STXBP5L: variants seen among roughly 807,000 people sequenced by gnomAD.
STXBP5L encodes the protein syntaxin-binding protein 5-like.
In STXBP5L, 65 loss-of-function variants were observed where a neutral mutation model predicts 144.5. The ratio of observed to expected loss-of-function variants is 0.45; its 90% CI spans 0.37 to 0.55. STXBP5L has a LOEUF of 0.55. Among genes scored for constraint, STXBP5L ranks in the 20% least tolerant of loss-of-function variants. STXBP5L has a pLI of 0.00. For synonymous variants in STXBP5L, 505 were observed against 469.6 expected, an observed-to-expected ratio of 1.08 and a Z score of -0.97; for missense variants, 1,298 against 1,405.5, an observed-to-expected ratio of 0.92 and a Z score of 1.22.
chr3:121,355,474 A>C (rs1576270217), intron 20 of STXBP5L, among the ~76,000 whole-genome samples: 1 of 152,120 alleles, frequency 6.6e-6, no homozygotes, highest in African/African-American at 2.4e-5. Context: ...CACTTGATCG[A>C]ATCAGCTATT....
chr3:121,314,554 A>G (rs1399634250), intron 19 of STXBP5L, among the ~76,000 whole-genome samples: 1 of 144,710 alleles, frequency 6.9e-6, no homozygotes, highest in African/African-American at 2.6e-5. Context: ...AGTACCGTCC[A>G]GCTTTGGCTC....
At chr3:121,379,281 G>A (rs2046270419) in intron 21 of STXBP5L, among the ~76,000 whole-genome samples, 1 of 152,008 alleles carries the variant, frequency 6.6e-6, no homozygotes, top group Non-Finnish European at 1.5e-5. Context: ...ATGTGACCAA[G>A]AACAAAGGCA....
At chr3:121,189,955 G>T (rs898517755) in intron 9 of STXBP5L, among the ~76,000 whole-genome samples, 3 of 151,978 alleles carry the variant, frequency 2.0e-5, no homozygotes, top group African/African-American at 4.8e-5. Flanking sequence ...GCACTTATAA[G>T]TGTAATCGAT....
At chr3:121,186,185 A>G (rs1196855792) in intron 9 of STXBP5L, among the ~76,000 whole-genome samples, 3 of 152,196 alleles carry the variant, frequency 2.0e-5, no homozygotes, top group Non-Finnish European at 4.4e-5. Context: ...TATCAGCTTA[A>G]GGAGGTTGTG....
At chr3:121,090,857 C>T (rs920222464) in intron 5 of STXBP5L, among the ~76,000 whole-genome samples, 7 of 152,030 alleles carry the variant, frequency 4.6e-5, no homozygotes, top group African/African-American at 1.7e-4. Context: ...ATACATGTGA[C>T]ATGCTGGTGT....
chr3:121,204,113 C>T (rs1577201931), intron 9 of STXBP5L, among the ~76,000 whole-genome samples: 1 of 152,232 alleles, frequency 6.6e-6, no homozygotes, highest in East Asian at 1.9e-4. Context: ...GTGGCACACA[C>T]CTGTAGTTCC....
At chr3:121,205,357 T>G (rs1191296) in intron 9 of STXBP5L, among the ~76,000 whole-genome samples, 119,750 of 152,074 alleles carry the variant, frequency 0.79, 47,374 homozygotes, top group East Asian at 0.93. Flanking sequence ...AGGGGGCTGA[T>G]CTAATCCTTT....
At chr3:121,079,582 A>C (rs924011957) in intron 5 of STXBP5L, among the ~76,000 whole-genome samples, 6 of 152,220 alleles carry the variant, frequency 3.9e-5, no homozygotes, top group African/African-American at 1.2e-4. Flanking sequence ...CCTTCTTCAA[A>C]CCCAAAAATA....
chr3:120,938,134 A>G (rs766803933), intron 2 of STXBP5L, among the ~76,000 whole-genome samples: 3 of 152,062 alleles, frequency 2.0e-5, no homozygotes, highest in Non-Finnish European at 4.4e-5. Flanking sequence ...CACAGTATTT[A>G]TATGTGATGT....
At chr3:121,217,100 G>A (rs1577235940) in intron 10 of STXBP5L, among the ~76,000 whole-genome samples, 1 of 152,274 alleles carries the variant, frequency 6.6e-6, no homozygotes, top group South Asian at 2.1e-4. Flanking sequence ...CAAACCAGTG[G>A]ATCTTAGCTT....
chr3:121,090,915 C>G, intron 5 of STXBP5L, among the ~76,000 whole-genome samples: 1 of 140,424 alleles, frequency 7.1e-6, no homozygotes, highest in East Asian at 2.1e-4. Context: ...TCTCCCAGTG[C>G]TATCCCTCCC....
At chr3:120,961,961 C>A (rs568277441) in intron 3 of STXBP5L, among the ~76,000 whole-genome samples, 2 of 152,320 alleles carry the variant, frequency 1.3e-5, no homozygotes, top group African/African-American at 2.4e-5. Flanking sequence ...TTAATGATTG[C>A]CATTCCAACT....
At chr3:121,323,858 T>G (rs1442179961) in intron 20 of STXBP5L, among the ~76,000 whole-genome samples, 1 of 152,108 alleles carries the variant, frequency 6.6e-6, no homozygotes, top group Non-Finnish European at 1.5e-5. Context: ...GACTACAACC[T>G]CTTAAAGAGA....
intron 3 of STXBP5L, among the ~76,000 whole-genome samples, chr3:121,018,689 C>T (rs770568081): frequency 2.6e-5 from 4 of 151,950 alleles, no homozygotes; most frequent in Admixed American, 6.6e-5. Context: ...TTTTTAGGTA[C>T]AATAGTAAGA....
chr3:121,254,871 T>A (rs183384928), intron 15 of STXBP5L, 24 bp from the exon 16 acceptor site: 85 of 1,548,232 alleles, frequency 5.5e-5, no homozygotes, highest in Non-Finnish European at 7.3e-5. Flanking sequence ...AATTAGAAGA[T>A]AACTGTGCTT....
At chr3:121,006,658 C>T (rs1274946878) in intron 3 of STXBP5L, among the ~76,000 whole-genome samples, 1 of 152,146 alleles carries the variant, frequency 6.6e-6, no homozygotes, top group Non-Finnish European at 1.5e-5. Flanking sequence ...ATGGTCTTTA[C>T]AATTTGGCAT....
chr3:120,921,215 T>C (rs183305051), intron 2 of STXBP5L, among the ~76,000 whole-genome samples: 1 of 152,138 alleles, frequency 6.6e-6, no homozygotes, highest in Non-Finnish European at 1.5e-5. Context: ...TTTGCATTTC[T>C]CTGATGATTA....
chr3:121,157,744 T>A, intron 9 of STXBP5L, 117 bp downstream of exon 9: 1 of 1,369,700 alleles, frequency 7.3e-7, no homozygotes, highest in Non-Finnish European at 9.7e-7. Flanking sequence ...AGCTTCTGGT[T>A]CTAAACATCC....
intron 5 of STXBP5L, among the ~76,000 whole-genome samples, chr3:121,082,711 T>C (rs73189316): frequency 0.036 from 5,416 of 152,246 alleles, 147 homozygotes; most frequent in Middle Eastern, 0.082. Context: ...GTTTTTGAGG[T>C]TTATTGTAAT....
Sources: gnomAD v4.1 joint callset for allele counts (sites outside exome capture counted in the v4.1 genomes callset) on GRCh38, gnomAD v4.1.1 for gene constraint, MANE v1.5 for transcripts, NCBI Gene and HGNC (gene_info 2026-07-23, HGNC 2026-07-21) for gene names.